MARCHF1: variants seen among roughly 807,000 people sequenced by gnomAD.
MARCHF1 encodes the protein E3 ubiquitin-protein ligase MARCHF1.
Under a neutral mutation model 54.2 loss-of-function variants are expected in MARCHF1, and 40 were observed. The observed-to-expected ratio is 0.74, with a 90% CI of 0.57 to 0.96. The LOEUF (loss-of-function observed/expected upper bound fraction) is 0.96, where lower values mean the gene tolerates loss of function less well. Ranked by LOEUF, MARCHF1 falls within the 40% of genes least tolerant of loss-of-function variation. MARCHF1 has a pLI of 0.00. For missense variants in MARCHF1, 586 were observed against 656.5 expected (o/e 0.89, Z 1.17); for synonymous variants, 236 against 236.3 (o/e 1.00, Z 0.01).
chr4:164,218,232 T>C (rs1255535384), intron 1 of MARCHF1, among the ~76,000 whole-genome samples: 2 of 152,156 alleles, frequency 1.3e-5, no homozygotes. Flanking sequence ...TGGAAATAGC[T>C]AGCAGAAAAT....
chr4:163,774,460 C>A, intron 4 of MARCHF1, among the ~76,000 whole-genome samples: 1 of 148,174 alleles, frequency 6.7e-6, no homozygotes, highest in African/African-American at 2.5e-5. Flanking sequence ...CTGATATTGA[C>A]AAATGCAAAT....
chr4:163,826,879 C>T (rs1472157202), intron 4 of MARCHF1, among the ~76,000 whole-genome samples: 1 of 151,852 alleles, frequency 6.6e-6, no homozygotes, highest in African/African-American at 2.4e-5. Context: ...TAAAATAAGG[C>T]ACAACAGAGA....
chr4:163,972,149 G>A (rs1413670050), intron 3 of MARCHF1, among the ~76,000 whole-genome samples: 1 of 152,058 alleles, frequency 6.6e-6, no homozygotes, highest in Admixed American at 6.6e-5. Context: ...GTCGAACAAT[G>A]AGAACACATG....
intron 1 of MARCHF1, among the ~76,000 whole-genome samples, chr4:164,121,814 A>T (rs1373615104): frequency 6.6e-6 from 1 of 152,090 alleles, no homozygotes; most frequent in Non-Finnish European, 1.5e-5. Context: ...AAAACTAGAG[A>T]AGGAGAGATT....
chr4:163,638,279 C>T (rs1007253908), intron 5 of MARCHF1, among the ~76,000 whole-genome samples: 4 of 151,272 alleles, frequency 2.6e-5, no homozygotes, highest in African/African-American at 9.7e-5. Flanking sequence ...GAAATGTAAT[C>T]CCAGTGTTGG....
chr4:163,722,325 T>C (rs969313326), intron 4 of MARCHF1, among the ~76,000 whole-genome samples: 2 of 152,158 alleles, frequency 1.3e-5, no homozygotes, highest in Admixed American at 6.5e-5. Context: ...TCAGTTTCCA[T>C]GTAGTTGAGC....
chr4:164,207,665 G>A (rs981316974), intron 1 of MARCHF1, among the ~76,000 whole-genome samples: 1 of 152,174 alleles, frequency 6.6e-6, no homozygotes, highest in African/African-American at 2.4e-5. Flanking sequence ...CACCACAGCA[G>A]CGAAGCCAAG....
intron 4 of MARCHF1, among the ~76,000 whole-genome samples, chr4:163,753,241 A>C (rs1166293347): frequency 1.3e-5 from 2 of 152,118 alleles, no homozygotes; most frequent in South Asian, 2.1e-4. Flanking sequence ...CCTTTTCCTG[A>C]ACCTACGATT....
Position 163,612,515 on chromosome 4 carries a change from T to G in MARCHF1, c.766A>C (p.Arg256=), listed in dbSNP as rs1017381916. 6.5e-7 allele frequency: 1 copy of G among 1,535,310 alleles called. No individual in the cohort carries two copies. Among genetic ancestry groups the G allele is most frequent in the Non-Finnish European group, 8.7e-7 (1 of 1,146,482 alleles). The change falls in exon 7 of 10, where the codon AGA becomes CGA. Residue 256 remains arginine (R), a synonymous_variant. Coordinates refer to ENST00000514618, the MANE Select transcript of MARCHF1 (RefSeq NM_001394959.1). ...CTCTTCTCATGATTCCTTGAGGATC[T>G]CTTAATTTCAGAGGACCCTTGAGTC... ...SLTQGSSEIK[R]SSRNHEKSKG... is the part of the protein sequence containing the mutation.
intron 4 of MARCHF1, among the ~76,000 whole-genome samples, chr4:163,818,325 A>G (rs998193347): frequency 1.3e-5 from 2 of 152,026 alleles, no homozygotes; most frequent in African/African-American, 4.8e-5. Context: ...ATAGATAAAC[A>G]AGTTCCATGG....
rs148350054 is a variant in MARCHF1, at chr4:164,075,195, A to G, written c.-248+36393T>C. On this transcript the variant is annotated intron_variant, in intron 2 of 9. Transcript: ENST00000514618. Reference sequence around the variant, plus strand: ...TAAACAATAAATTTAATAGCATCACAGAACTGACAAGATAGTAAGAAATTA... The same window carrying G: ...TAAACAATAAATTTAATAGCATCACGGAACTGACAAGATAGTAAGAAATTA... Among the ~76,000 whole-genome samples the G allele has an allele frequency of 6.0e-3, 919 of 152,356 alleles. 9 individuals are homozygous for G. The highest frequency in any genetic ancestry group is 0.021 in the African/African-American group (875 of 41,576).
Position 164,100,726 on chromosome 4 carries a change from G to C in MARCHF1, c.-248+10862C>G, listed in dbSNP as rs760795895. On this transcript the variant is annotated intron_variant, in intron 2 of 9. Coordinates refer to ENST00000514618, the MANE Select transcript of MARCHF1 (RefSeq NM_001394959.1). ...CCTGCTGGAGATAGTTGATAGTCAA[G>C]ATAATTGTCTAAGGAATAAGCTGGG... Among the ~76,000 whole-genome samples the C allele has an allele frequency of 4.6e-5, 7 of 152,168 alleles. 1 individual carries two copies. Among genetic ancestry groups the C allele is most frequent in the Non-Finnish European group, 1.0e-4 (7 of 68,018 alleles).
chr4:164,228,649 C>A (rs536154656), intron 1 of MARCHF1, among the ~76,000 whole-genome samples: 81 of 152,154 alleles, frequency 5.3e-4, no homozygotes, highest in Admixed American at 1.5e-3. Context: ...GAATTCATGG[C>A]CCTTTACAAT....
At chr4:163,595,357 TA>T (rs919305202) in intron 7 of MARCHF1, among the ~76,000 whole-genome samples, 16 of 95,372 alleles carry the variant, frequency 1.7e-4, no homozygotes, top group African/African-American at 6.5e-4. Flanking sequence ...AAAAATAAAA[TA>T]AAAAAAAAAT....
At chr4:163,927,010 AT>A (rs1177639278) in intron 3 of MARCHF1, among the ~76,000 whole-genome samples, 1 of 151,854 alleles carries the variant, frequency 6.6e-6, no homozygotes, top group Admixed American at 6.6e-5. Context: ...ATTTTAAGCT[AT>A]CAAAATGCTA....
At chr4:163,643,192 G>T (rs1398328842) in intron 5 of MARCHF1, among the ~76,000 whole-genome samples, 2 of 151,200 alleles carry the variant, frequency 1.3e-5, no homozygotes, top group East Asian at 3.9e-4. Flanking sequence ...CCAAGTGGTA[G>T]TGGTGCACGT....
intron 4 of MARCHF1, among the ~76,000 whole-genome samples, chr4:163,852,157 T>C (rs1246628836): frequency 2.6e-5 from 4 of 152,104 alleles, no homozygotes; most frequent in African/African-American, 7.2e-5. Flanking sequence ...AGAAAAAGCA[T>C]TGTTTTGAGA....
rs980273046 is a variant in MARCHF1 at position 163,663,237 on chromosome 4, T to A, written c.162+37576A>T. ...TTTAAATCATCTTTTTTTTTTTTTT[T>A]AGATTTAGGGCTGTTTAAGTGTACA... On this transcript the variant is annotated intron_variant, in intron 5 of 9. Coordinates refer to ENST00000514618, the MANE Select transcript of MARCHF1 (RefSeq NM_001394959.1). Among the ~76,000 whole-genome samples the A allele has an allele frequency of 1.0e-4, 15 of 149,810 alleles. 1 individual carries two copies. Among genetic ancestry groups the A allele is most frequent in the African/African-American group, 3.0e-4 (12 of 40,068 alleles).
At chr4:164,078,495 T>C (rs920762625) in intron 2 of MARCHF1, among the ~76,000 whole-genome samples, 3 of 152,076 alleles carry the variant, frequency 2.0e-5, no homozygotes, top group African/African-American at 7.2e-5. Context: ...ACCTGCATGT[T>C]CTGCACATGT....
Sources: allele counts gnomAD v4.1 joint callset (sites outside exome capture counted in the v4.1 genomes callset), GRCh38; gene constraint gnomAD v4.1.1; transcripts MANE v1.5; gene names NCBI Gene and HGNC (gene_info 2026-07-23, HGNC 2026-07-21).